TRIO: variants seen among roughly 807,000 people sequenced by gnomAD.
TRIO encodes triple functional domain protein.
A neutral mutation model predicts 351.9 loss-of-function variants in TRIO; 58 were observed. The observed-to-expected ratio is 0.16, with a 90% confidence interval of 0.13 to 0.21. The LOEUF (loss-of-function observed/expected upper bound fraction) is 0.21, where lower values mean the gene tolerates loss of function less well. Ranked by LOEUF, TRIO falls within the 10% of genes least tolerant of loss-of-function variation. The pLI is 1.00. For missense variants in TRIO, 3,201 were observed against 4,027.8 expected (o/e 0.79, Z 5.56); for synonymous variants, 1,758 against 1,595.7 (o/e 1.10, Z -2.42).
Position 14,390,880 on chromosome 5 carries a change from CTTTT to C in TRIO, c.4129-13_4129-10del. 8.3e-7 allele frequency: 1 copy of C among 1,203,852 alleles called. No homozygotes were observed. Among genetic ancestry groups the C allele is most frequent in the Non-Finnish European group, 1.1e-6 (1 of 875,394 alleles). 74.6% of individuals were successfully genotyped at this position (1,203,852 alleles called of 1,614,324 possible). Reference sequence around the variant, plus strand: ...TGACTTGTTATGATTTAAATGAGATCTTTTTTTTTTTGGCTTACAGGCAGACAAG... The same window carrying C: ...TGACTTGTTATGATTTAAATGAGATCTTTTTTTGGCTTACAGGCAGACAAG... On this transcript the variant is annotated splice_polypyrimidine_tract_variant and intron_variant, in intron 26 of 56. Transcript: ENST00000344204.
intron 1 of TRIO, among the ~76,000 whole-genome samples, chr5:14,230,060 A>G (rs1466263250): frequency 2.0e-5 from 3 of 152,212 alleles, no homozygotes; most frequent in African/African-American, 7.2e-5. Flanking sequence ...GCTTGCACGT[A>G]GAATCCCCCT....
chr5:14,319,930 GT>G (rs1739723434), intron 9 of TRIO, among the ~76,000 whole-genome samples: 1 of 152,152 alleles, frequency 6.6e-6, no homozygotes, highest in Admixed American at 6.5e-5. Context: ...ATTTTGGATG[GT>G]AGTCAGGCGT....
At chr5:14,455,807 G>A (rs1262834066) in intron 34 of TRIO, among the ~76,000 whole-genome samples, 5 of 152,236 alleles carry the variant, frequency 3.3e-5, no homozygotes, top group African/African-American at 4.8e-5. Context: ...GTCCCCACCC[G>A]ACTCAGGAGC....
intron 1 of TRIO, among the ~76,000 whole-genome samples, chr5:14,264,828 C>G (rs961841125): frequency 4.6e-5 from 7 of 152,338 alleles, no homozygotes; most frequent in African/African-American, 1.7e-4. Flanking sequence ...TGCGCGTGCG[C>G]TTGCGGAGCG....
chr5:14,279,992 G>A (rs1210545401), intron 2 of TRIO, among the ~76,000 whole-genome samples: 3 of 152,216 alleles, frequency 2.0e-5, no homozygotes, highest in Non-Finnish European at 4.4e-5. Flanking sequence ...GGAGGTGGTT[G>A]TCTGAGGTGA....
chr5:14,486,070 C>T (rs1374708989), intron 47 of TRIO, among the ~76,000 whole-genome samples: 2 of 152,020 alleles, frequency 1.3e-5, no homozygotes, highest in Non-Finnish European at 2.9e-5. Flanking sequence ...ACACAGCGGG[C>T]GTGGCCACAC....
intron 15 of TRIO, 41 bp from the exon 16 acceptor site, chr5:14,366,819 G>A (rs1193938051): frequency 6.2e-7 from 1 of 1,612,604 alleles, no homozygotes; most frequent in East Asian, 2.2e-5. Context: ...AGGATTCTCT[G>A]GGAAGTCCAC....
intron 9 of TRIO, among the ~76,000 whole-genome samples, chr5:14,328,601 G>A (rs976988007): frequency 2.6e-5 from 4 of 152,218 alleles, no homozygotes; most frequent in Admixed American, 2.0e-4. Context: ...AGCCTGTGCC[G>A]TCAGGAGCTT....
chr5:14,413,560 TTC>T (rs1244794006), intron 33 of TRIO, among the ~76,000 whole-genome samples: 2 of 152,242 alleles, frequency 1.3e-5, no homozygotes, highest in African/African-American at 4.8e-5. Flanking sequence ...CATCTTTGTT[TTC>T]TGTTTTTCTA....
chr5:14,364,049 C>T (rs1744385503), intron 14 of TRIO, 122 bp downstream of exon 14: 2 of 935,378 alleles, frequency 2.1e-6, no homozygotes, highest in African/African-American at 1.7e-5. Flanking sequence ...ATTATAGATA[C>T]CTGTTCTTTA....
intron 1 of TRIO, among the ~76,000 whole-genome samples, chr5:14,151,948 AGTTT>A (rs1192272756): frequency 6.6e-6 from 1 of 152,176 alleles, no homozygotes; most frequent in African/African-American, 2.4e-5. Context: ...TAACTTTATT[AGTTT>A]AAGTTTTAAA....
intron 27 of TRIO, among the ~76,000 whole-genome samples, chr5:14,392,901 A>C (rs1747224827): frequency 6.6e-6 from 1 of 151,864 alleles, no homozygotes; most frequent in East Asian, 1.9e-4. Flanking sequence ...AAAAAAAATT[A>C]GCCGAGCGTG....
At chr5:14,421,241 ATTTTATTTTATTTTAT>A (rs1561471176) in intron 34 of TRIO, among the ~76,000 whole-genome samples, 10 of 139,834 alleles carry the variant, frequency 7.2e-5, no homozygotes, top group African/African-American at 2.4e-4. Flanking sequence ...ATTTTATTTT[ATTTTATTTTATTTTAT>A]TTTATTTTAT....
intron 38 of TRIO, 90 bp from the exon 39 acceptor site, chr5:14,472,502 T>A: frequency 7.3e-7 from 1 of 1,367,432 alleles, no homozygotes; most frequent in Non-Finnish European, 1.0e-6. Flanking sequence ...TATTCAGTCC[T>A]GGAAGGAGTC....
At chr5:14,244,127 A>C (rs766302543) in intron 1 of TRIO, among the ~76,000 whole-genome samples, 2 of 152,238 alleles carry the variant, frequency 1.3e-5, no homozygotes, top group Non-Finnish European at 2.9e-5. Context: ...TGGGTAGCAC[A>C]CTTTAACATA....
intron 1 of TRIO, among the ~76,000 whole-genome samples, chr5:14,144,094 G>T (rs941280435): frequency 6.6e-6 from 1 of 152,024 alleles, no homozygotes; most frequent in Non-Finnish European, 1.5e-5. Context: ...CCGGGCGCGC[G>T]GCAGCTTGGC....
At chr5:14,191,598 C>T in intron 1 of TRIO, among the ~76,000 whole-genome samples, 1 of 150,002 alleles carries the variant, frequency 6.7e-6, no homozygotes, top group Non-Finnish European at 1.5e-5. Flanking sequence ...TTAGAATGGG[C>T]ACAGCAAACT....
At chr5:14,368,674 C>T in intron 16 of TRIO, 34 bp from the exon 17 acceptor site, 1 of 1,596,820 alleles carries the variant, frequency 6.3e-7, no homozygotes, top group Admixed American at 1.7e-5. Context: ...GGGACACTGA[C>T]AAATAAGCCT....
intron 33 of TRIO, among the ~76,000 whole-genome samples, chr5:14,408,249 C>G (rs1443159424): frequency 1.3e-5 from 2 of 152,200 alleles, no homozygotes; most frequent in East Asian, 1.9e-4. Flanking sequence ...GTTCTAGTTT[C>G]AAGGACGGGA....
Sources: gnomAD v4.1 joint callset for allele counts (sites outside exome capture counted in the v4.1 genomes callset) on GRCh38, gnomAD v4.1.1 for gene constraint, MANE v1.5 for transcripts, NCBI Gene and HGNC (gene_info 2026-07-23, HGNC 2026-07-21) for gene names.